Variants in COG5 observed in about 807,000 individuals in gnomAD.
The protein encoded by COG5 is component of oligomeric golgi complex 5, also known as conserved oligomeric Golgi complex subunit 5.
Under a neutral mutation model 110.4 loss-of-function variants are expected in COG5, and 86 were observed. The observed-to-expected ratio is 0.78, with a 90% CI of 0.65 to 0.93. The LOEUF is 0.93. COG5 is among the 40% of genes least tolerant of loss of function. COG5 has a pLI of 0.00. For missense variants in COG5, 1,077 were observed against 987.0 expected (o/e 1.09, Z -1.22); for synonymous variants, 360 against 334.6 (o/e 1.08, Z -0.83).
intron 1 of COG5, among the ~76,000 whole-genome samples, chr7:107,558,894 A>G (rs1262492735): frequency 7.0e-6 from 1 of 143,692 alleles, no homozygotes; most frequent in African/African-American, 2.7e-5. Context: ...TCCCAAAAAA[A>G]AAAAAAAAAG....
chr7:107,437,576 T>G (rs181676209), intron 6 of COG5, among the ~76,000 whole-genome samples: 52 of 152,314 alleles, frequency 3.4e-4, no homozygotes, highest in African/African-American at 1.3e-3. Context: ...TATTATTGAA[T>G]AGCTACTCTG....
chr7:107,469,076 T>A (rs932544093), intron 6 of COG5, among the ~76,000 whole-genome samples: 24 of 150,938 alleles, frequency 1.6e-4, no homozygotes, highest in African/African-American at 5.8e-4. Context: ...ATTTTAAATA[T>A]TCAGTACTTG....
At chr7:107,286,699 C>T (rs997301564) in intron 12 of COG5, among the ~76,000 whole-genome samples, 9 of 152,194 alleles carry the variant, frequency 5.9e-5, no homozygotes, top group Admixed American at 4.6e-4. Context: ...CCTTTCTCAA[C>T]GTGGCACTTC....
At chr7:107,374,497 G>A (rs1193626545) in intron 7 of COG5, among the ~76,000 whole-genome samples, 1 of 152,040 alleles carries the variant, frequency 6.6e-6, no homozygotes, top group African/African-American at 2.4e-5. Flanking sequence ...TCAGCTGAAT[G>A]TACGCTGTAA....
intron 14 of COG5, among the ~76,000 whole-genome samples, chr7:107,267,698 G>T (rs1033361508): frequency 6.6e-6 from 1 of 152,060 alleles, no homozygotes; most frequent in Non-Finnish European, 1.5e-5. Flanking sequence ...GAGGGATACA[G>T]AATAACTAAA....
intron 6 of COG5, among the ~76,000 whole-genome samples, chr7:107,515,309 T>G (rs1267485978): frequency 6.6e-6 from 1 of 152,072 alleles, no homozygotes; most frequent in Admixed American, 6.6e-5. Flanking sequence ...AAACTAAAAA[T>G]CTTGCTAGAT....
intron 8 of COG5, among the ~76,000 whole-genome samples, chr7:107,365,068 G>T (rs1426349337): frequency 6.6e-6 from 1 of 152,070 alleles, no homozygotes; most frequent in Non-Finnish European, 1.5e-5. Flanking sequence ...CCTGGAATAT[G>T]TATGACTTGG....
At chr7:107,536,403 A>G (rs892732349) in intron 5 of COG5, among the ~76,000 whole-genome samples, 1 of 152,232 alleles carries the variant, frequency 6.6e-6, no homozygotes, top group African/African-American at 2.4e-5. Context: ...CCTTAAGCTG[A>G]TAAGCAACTT....
intron 7 of COG5, among the ~76,000 whole-genome samples, chr7:107,409,257 A>AGAGATT (rs1288450997): frequency 6.0e-5 from 9 of 150,282 alleles, no homozygotes; most frequent in African/African-American, 1.5e-4. Flanking sequence ...AGAAAACAGG[A>AGAGATT]GAGATTGAGA....
chr7:107,526,719 C>T (rs1193432668), intron 6 of COG5, among the ~76,000 whole-genome samples: 1 of 152,112 alleles, frequency 6.6e-6, no homozygotes, highest in African/African-American at 2.4e-5. Flanking sequence ...AAGTAACAAA[C>T]TATTAGTACA....
At chr7:107,410,211 G>A (rs1380100457) in intron 7 of COG5, among the ~76,000 whole-genome samples, 3 of 152,114 alleles carry the variant, frequency 2.0e-5, no homozygotes, top group Admixed American at 2.0e-4. Flanking sequence ...AGAAATTCTG[G>A]GTGTTGGGCT....
chr7:107,543,954 C>T (rs971455196), intron 5 of COG5, among the ~76,000 whole-genome samples: 1 of 152,038 alleles, frequency 6.6e-6, no homozygotes, highest in African/African-American at 2.4e-5. Context: ...GACCTGATGA[C>T]TCACACCTGC....
At chr7:107,207,992 G>C in intron 21 of COG5, 1 of 985,382 alleles carries the variant, frequency 1.0e-6, no homozygotes. Context: ...CAAATTTACT[G>C]ACATTTAAAG....
intron 6 of COG5, among the ~76,000 whole-genome samples, chr7:107,440,703 G>A (rs769316002): frequency 2.0e-5 from 3 of 152,078 alleles, no homozygotes; most frequent in Non-Finnish European, 4.4e-5. Context: ...ATCAATCATC[G>A]TTATGTAATG....
chr7:107,511,615 T>TC (rs1430190792), intron 6 of COG5, among the ~76,000 whole-genome samples: 1 of 152,170 alleles, frequency 6.6e-6, no homozygotes, highest in African/African-American at 2.4e-5. Context: ...TAGACCAATA[T>TC]CCTTGATGAA....
chr7:107,426,384 G>A (rs1215390730), intron 6 of COG5, among the ~76,000 whole-genome samples: 1 of 152,168 alleles, frequency 6.6e-6, no homozygotes, highest in African/African-American at 2.4e-5. Flanking sequence ...GACGCAAATG[G>A]TGTTTGTCTT....
At chr7:107,419,278 T>C (rs1034779951) in intron 6 of COG5, among the ~76,000 whole-genome samples, 2 of 152,112 alleles carry the variant, frequency 1.3e-5, no homozygotes, top group African/African-American at 4.8e-5. Flanking sequence ...AAGATTTTAA[T>C]ATGTGATAGC....
At chr7:107,373,310 T>C (rs920527106) in intron 7 of COG5, among the ~76,000 whole-genome samples, 1 of 152,154 alleles carries the variant, frequency 6.6e-6, no homozygotes, top group African/African-American at 2.4e-5. Flanking sequence ...CCTGTCTTCA[T>C]GGAACTTACA....
intron 6 of COG5, among the ~76,000 whole-genome samples, chr7:107,500,641 T>G (rs975899405): frequency 1.3e-5 from 2 of 152,140 alleles, no homozygotes; most frequent in African/African-American, 4.8e-5. Context: ...AAGGAAATAA[T>G]ATAGATTATC....
Sources: allele counts gnomAD v4.1 joint callset (sites outside exome capture counted in the v4.1 genomes callset), GRCh38; gene constraint gnomAD v4.1.1; transcripts MANE v1.5; gene names NCBI Gene and HGNC (gene_info 2026-07-23, HGNC 2026-07-21).